The following ROBO2 variants were observed in gnomAD, a reference collection of about 807,000 sequenced individuals.
The protein encoded by ROBO2 is roundabout homolog 2.
ROBO2 carries 53 observed loss-of-function variants against 160.8 expected under a neutral mutation model. The observed-to-expected ratio is 0.33, with a 90% CI of 0.26 to 0.41. The LOEUF is 0.41. Among genes scored for constraint, ROBO2 ranks in the 10% least tolerant of loss-of-function variants. The probability of loss-of-function intolerance (pLI) is 1.00; values close to 1 mark genes in which losing one functional copy is unlikely to be tolerated. For synonymous variants in ROBO2, 664 were observed against 611.7 expected (o/e 1.09, Z -1.26); for missense variants, 1,577 against 1,722.4 (o/e 0.92, Z 1.49).
chr3:76,392,377 G>A (rs1440792559), intron 2 of ROBO2, among the ~76,000 whole-genome samples: 1 of 152,082 alleles, frequency 6.6e-6, no homozygotes, highest in Non-Finnish European at 1.5e-5. Context: ...CTCATGAATT[G>A]TACAGTTCAG....
intron 2 of ROBO2, among the ~76,000 whole-genome samples, chr3:76,189,347 A>G (rs966871610): frequency 6.6e-6 from 1 of 152,134 alleles, no homozygotes; most frequent in African/African-American, 2.4e-5. Flanking sequence ...GAGAAACCAA[A>G]ATCATTAATG....
At chr3:76,589,381 G>C (rs1328618233) in intron 2 of ROBO2, among the ~76,000 whole-genome samples, 1 of 152,070 alleles carries the variant, frequency 6.6e-6, no homozygotes, top group Admixed American at 6.6e-5. Flanking sequence ...CTCACTGCAA[G>C]CTCCGCCTCC....
At chr3:76,567,788 T>TGTGTGTGTGTGTGG (rs2084678377) in intron 2 of ROBO2, among the ~76,000 whole-genome samples, 1 of 84,022 alleles carries the variant, frequency 1.2e-5, no homozygotes, top group Non-Finnish European at 2.3e-5. Flanking sequence ...TGTGTGTGTG[T>TGTGTGTGTGTGTGG]GTGTGTGTGT....
intron 2 of ROBO2, among the ~76,000 whole-genome samples, chr3:77,452,464 T>C (rs2081216927): frequency 6.6e-6 from 1 of 152,142 alleles, no homozygotes; most frequent in Non-Finnish European, 1.5e-5. Context: ...AAAGCATGCT[T>C]ATAAGTGCAG....
chr3:76,422,213 A>G (rs2076025283), intron 2 of ROBO2, among the ~76,000 whole-genome samples: 4 of 152,192 alleles, frequency 2.6e-5, no homozygotes, highest in Admixed American at 2.6e-4. Flanking sequence ...ACCTTTTTAT[A>G]AGCTTACTTT....
chr3:77,123,155 AACAT>A (rs2074951626), intron 2 of ROBO2, among the ~76,000 whole-genome samples: 1 of 152,226 alleles, frequency 6.6e-6, no homozygotes, highest in African/African-American at 2.4e-5. Context: ...GATTTTCATA[AACAT>A]ACATGGACTG....
At position 77,423,297 on chromosome 3, in the gene ROBO2, T is replaced by G. The variant is rs138715169; in HGVS notation, c.389-54117T>G. Among the ~76,000 whole-genome samples the G allele has an allele frequency of 1.1e-4, 17 of 152,282 alleles. No homozygotes were observed. In the East Asian group the frequency reaches 2.3e-3, roughly 21 times the overall value. ...TTGCATATTTGTTGTGTAGTTGGTATGTTCAATTCAGTGACATTATTTTAT... is the reference window on the plus strand; with the variant it reads ...TTGCATATTTGTTGTGTAGTTGGTAGGTTCAATTCAGTGACATTATTTTAT... On this transcript the variant is annotated intron_variant, in intron 2 of 25. Coordinates refer to ENST00000461745, the Ensembl canonical transcript of ROBO2.
At chr3:76,642,044 A>G (rs972143726) in intron 2 of ROBO2, among the ~76,000 whole-genome samples, 8 of 152,076 alleles carry the variant, frequency 5.3e-5, no homozygotes, top group African/African-American at 1.9e-4. Context: ...TTAAAAGCTG[A>G]CGTAGGGTTA....
At chr3:76,568,823 A>G (rs1318141138) in intron 2 of ROBO2, among the ~76,000 whole-genome samples, 1 of 152,094 alleles carries the variant, frequency 6.6e-6, no homozygotes, top group Non-Finnish European at 1.5e-5. Context: ...AATAGATTTT[A>G]CTGTATTTTA....
At chr3:76,219,470 A>C (rs961535385) in intron 2 of ROBO2, among the ~76,000 whole-genome samples, 2 of 152,180 alleles carry the variant, frequency 1.3e-5, no homozygotes, top group African/African-American at 2.4e-5. Context: ...AACTCAAACA[A>C]ATTTACAAGA....
At chr3:77,434,209 G>C (rs1302904359) in intron 2 of ROBO2, among the ~76,000 whole-genome samples, 1 of 151,856 alleles carries the variant, frequency 6.6e-6, no homozygotes, top group Non-Finnish European at 1.5e-5. Context: ...TGAATACATT[G>C]CTTCCTTATC....
intron 2 of ROBO2, among the ~76,000 whole-genome samples, chr3:76,211,074 C>G (rs1170737184): frequency 6.6e-6 from 1 of 151,910 alleles, no homozygotes; most frequent in African/African-American, 2.4e-5. Context: ...ACTTAACTAC[C>G]TCTTCTAATT....
chr3:77,499,557 A>G (rs1447915950), intron 5 of ROBO2, among the ~76,000 whole-genome samples: 1 of 152,112 alleles, frequency 6.6e-6, no homozygotes, highest in Non-Finnish European at 1.5e-5. Context: ...TATAAAATAT[A>G]TAATTTGTAT....
intron 2 of ROBO2, among the ~76,000 whole-genome samples, chr3:76,354,375 C>T (rs947711191): frequency 1.6e-4 from 24 of 151,942 alleles, no homozygotes; most frequent in African/African-American, 5.8e-4. Context: ...ATAACTTCTA[C>T]TTTAGATAGA....
rs573492853 is a variant in ROBO2, at chr3:76,278,995, A to C, written c.109+341393A>C. On this transcript the variant is annotated intron_variant, in intron 2 of 26. Coordinates refer to the ROBO2 transcript ENST00000487694. ...GGCTTGCTAAAAATGGGATGCAGAA[A>C]AGTTCCTCCTTACTTTCTTATACTT... Among the ~76,000 whole-genome samples, 56 of 152,064 alleles carry C rather than the reference A, an allele frequency of 3.7e-4. 1 individual carries two copies. The highest frequency in any genetic ancestry group is 1.3e-3 in the African/African-American group (55 of 41,542).
At chr3:76,417,418 A>G (rs2075799332) in intron 2 of ROBO2, among the ~76,000 whole-genome samples, 5 of 152,220 alleles carry the variant, frequency 3.3e-5, no homozygotes, top group Admixed American at 3.3e-4. Context: ...ATAAATGAAC[A>G]AACAACAAAT....
chr3:76,709,549 G>A (rs763869020), intron 2 of ROBO2, among the ~76,000 whole-genome samples: 3 of 152,124 alleles, frequency 2.0e-5, no homozygotes, highest in African/African-American at 4.8e-5. Context: ...GGAAAAGCAC[G>A]TATTACTTGG....
chr3:77,492,298 A>G (rs1007217600), intron 4 of ROBO2, among the ~76,000 whole-genome samples: 1 of 152,198 alleles, frequency 6.6e-6, no homozygotes, highest in African/African-American at 2.4e-5. Context: ...ACCATTATCC[A>G]AAAGGGAAGA....
chr3:76,141,060 C>CACATATATATATATATATAT (rs540516906), intron 2 of ROBO2, among the ~76,000 whole-genome samples: 7 of 53,578 alleles, frequency 1.3e-4, no homozygotes, highest in African/African-American at 4.9e-4. Context: ...TTTTTACATA[C>CACATATATATATATATATAT]ATATATATAT....
Sources: allele counts gnomAD v4.1 joint callset (sites outside exome capture counted in the v4.1 genomes callset), GRCh38; gene constraint gnomAD v4.1.1; transcripts MANE v1.5; gene names NCBI Gene and HGNC (gene_info 2026-07-23, HGNC 2026-07-21).